The following PSPC1 variants were observed in gnomAD, a reference collection of about 807,000 sequenced individuals.
The protein encoded by PSPC1 is paraspeckle component 1.
PSPC1 carries 14 observed loss-of-function variants against 51.6 expected under a neutral mutation model. The ratio of observed to expected loss-of-function variants is 0.27; its 90% CI spans 0.18 to 0.42. The LOEUF (loss-of-function observed/expected upper bound fraction) is 0.42, where lower values mean the gene tolerates loss of function less well. PSPC1 is among the 10% of genes least tolerant of loss of function. The pLI is 1.00. For missense variants in PSPC1, 406 were observed against 701.1 expected, an observed-to-expected ratio of 0.58 and a Z score of 4.75; for synonymous variants, 193 against 231.9, an observed-to-expected ratio of 0.83 and a Z score of 1.53.
intron 6 of PSPC1, among the ~76,000 whole-genome samples, chr13:19,717,868 T>TC (rs1311680437): frequency 1.4e-5 from 2 of 141,772 alleles, no homozygotes; most frequent in African/African-American, 2.8e-5. Flanking sequence ...AGAGGGAGAC[T>TC]CCACTTTAAA....
At chr13:19,727,199 T>G (rs3858742) in intron 6 of PSPC1, among the ~76,000 whole-genome samples, 138,567 of 152,144 alleles carry the variant, frequency 0.91, 64,448 homozygotes, top group Non-Finnish European at 1. Flanking sequence ...TTCGAGACTA[T>G]CCTGGCCAAC....
chr13:19,726,618 T>C (rs1883384129), intron 6 of PSPC1, among the ~76,000 whole-genome samples: 1 of 152,174 alleles, frequency 6.6e-6, no homozygotes, highest in Non-Finnish European at 1.5e-5. Context: ...GGAAAAACAC[T>C]GTTCTGCTGG....
intron 6 of PSPC1, among the ~76,000 whole-genome samples, chr13:19,679,896 T>TTC (rs1482743064): frequency 6.6e-6 from 1 of 152,226 alleles, no homozygotes; most frequent in Non-Finnish European, 1.5e-5. Flanking sequence ...ACTTTAAGCA[T>TTC]TCTCAGCTTC....
chr13:19,764,709 TA>T (rs1364740718), intron 2 of PSPC1, among the ~76,000 whole-genome samples: 1 of 102,344 alleles, frequency 9.8e-6, no homozygotes, highest in Non-Finnish European at 2.1e-5. Context: ...AAAGGTGGCT[TA>T]AAAGATAATG....
chr13:19,753,956 C>CT (rs1243118365), intron 3 of PSPC1, among the ~76,000 whole-genome samples: 1 of 151,662 alleles, frequency 6.6e-6, no homozygotes, highest in Non-Finnish European at 1.5e-5. Context: ...AAGTCAAAGA[C>CT]TGACTATATT....
intron 4 of PSPC1, among the ~76,000 whole-genome samples, chr13:19,748,478 T>C (rs1235045082): frequency 6.6e-6 from 1 of 152,138 alleles, no homozygotes; most frequent in African/African-American, 2.4e-5. Flanking sequence ...AAAAAACTCA[T>C]GGGAAATAAC....
intron 3 of PSPC1, among the ~76,000 whole-genome samples, 163 bp downstream of exon 3, chr13:19,759,160 A>G (rs539166375): frequency 1.3e-5 from 2 of 152,252 alleles, no homozygotes; most frequent in South Asian, 2.1e-4. Flanking sequence ...AAAAAAAACA[A>G]AAAGAAAGAA....
chr13:19,779,681 G>A (rs1593796949), intron 1 of PSPC1, among the ~76,000 whole-genome samples: 2 of 101,334 alleles, frequency 2.0e-5, no homozygotes, highest in Non-Finnish European at 4.2e-5. Flanking sequence ...CGGGAGGGAG[G>A]TGGGGGGGTC....
chr13:19,749,963 CA>C (rs1331096942), intron 4 of PSPC1, among the ~76,000 whole-genome samples: 2 of 152,156 alleles, frequency 1.3e-5, no homozygotes, highest in African/African-American at 4.8e-5. Context: ...GTGGCATCAG[CA>C]CAGTTACTCA....
At chr13:19,730,902 G>A (rs1019647528) in intron 5 of PSPC1, among the ~76,000 whole-genome samples, 1 of 144,184 alleles carries the variant, frequency 6.9e-6, no homozygotes, top group African/African-American at 2.6e-5. Context: ...AGCGGAGATC[G>A]CGCCCCTGCA....
downstream of PSPC1, among the ~76,000 whole-genome samples, chr13:19,701,102 TG>T (rs1879853954): frequency 6.6e-6 from 1 of 151,952 alleles, no homozygotes; most frequent in Non-Finnish European, 1.5e-5. Context: ...CTGTTCTTGG[TG>T]CCAGAGTTGA....
At chr13:19,731,431 T>C (rs1252798970) in intron 5 of PSPC1, among the ~76,000 whole-genome samples, 1 of 141,704 alleles carries the variant, frequency 7.1e-6, no homozygotes, top group East Asian at 2.2e-4. Context: ...TTGTTGTTGT[T>C]GAGACAGGGT....
At chr13:19,686,063 T>C (rs1288256211) in intron 6 of PSPC1, among the ~76,000 whole-genome samples, 1 of 152,206 alleles carries the variant, frequency 6.6e-6, no homozygotes, top group Non-Finnish European at 1.5e-5. Flanking sequence ...TCCTGACTGA[T>C]CTAAGTGCTT....
At chr13:19,729,016 A>C (rs1883715942) in intron 6 of PSPC1, among the ~76,000 whole-genome samples, 1 of 152,158 alleles carries the variant, frequency 6.6e-6, no homozygotes, top group African/African-American at 2.4e-5. Flanking sequence ...TTTCTTTTGC[A>C]ATAACCCTTT....
intron 6 of PSPC1, among the ~76,000 whole-genome samples, chr13:19,715,362 A>C (rs1158127026): frequency 2.6e-5 from 4 of 152,206 alleles, no homozygotes; most frequent in African/African-American, 9.6e-5. Flanking sequence ...GGCATGGTAA[A>C]CATGCCACTA....
chr13:19,730,946 G>GAAAACAAAA (rs1883980174), intron 5 of PSPC1, among the ~76,000 whole-genome samples: 1 of 25,222 alleles, frequency 4.0e-5, no homozygotes, highest in African/African-American at 8.4e-5. Context: ...CCCTGTCTCA[G>GAAAACAAAA]AAAAAAAAAA....
At chr13:19,747,747 A>T (rs1886144290) in intron 4 of PSPC1, among the ~76,000 whole-genome samples, 1 of 152,190 alleles carries the variant, frequency 6.6e-6, no homozygotes, top group African/African-American at 2.4e-5. Context: ...AAATACAAAA[A>T]GTGATTCCTA....
chr13:19,688,218 A>G (rs1189139148), intron 6 of PSPC1, among the ~76,000 whole-genome samples: 1 of 152,024 alleles, frequency 6.6e-6, no homozygotes, highest in South Asian at 2.1e-4. Flanking sequence ...CCTGTAACAC[A>G]CTTATGTTGG....
At chr13:19,761,188 A>G (rs1177620751) in intron 2 of PSPC1, among the ~76,000 whole-genome samples, 1 of 152,056 alleles carries the variant, frequency 6.6e-6, no homozygotes, top group African/African-American at 2.4e-5. Flanking sequence ...ACAAAAAGGG[A>G]AAAAGGGAAG....
Sources: allele counts gnomAD v4.1 joint callset (sites outside exome capture counted in the v4.1 genomes callset), GRCh38; gene constraint gnomAD v4.1.1; transcripts MANE v1.5; gene names NCBI Gene and HGNC (gene_info 2026-07-23, HGNC 2026-07-21).